TMEM131L: variants seen among roughly 807,000 people sequenced by gnomAD.
TMEM131L encodes transmembrane 131 like.
TMEM131L carries 54 observed loss-of-function variants against 192.2 expected under a neutral mutation model. The ratio of observed to expected loss-of-function variants is 0.28; its 90% CI spans 0.23 to 0.35. TMEM131L has a LOEUF of 0.35. TMEM131L is among the 10% of genes least tolerant of loss of function. The pLI, the probability that TMEM131L is intolerant of heterozygous loss-of-function variation, is 1.00. For missense variants in TMEM131L, 1,888 were observed against 1,972.9 expected (o/e 0.96, Z 0.82); for synonymous variants, 701 against 704.9 (o/e 0.99, Z 0.09).
At chr4:153,578,853 TCA>T (rs1426857654) in intron 7 of TMEM131L, among the ~76,000 whole-genome samples, 1 of 147,604 alleles carries the variant, frequency 6.8e-6, no homozygotes, top group Non-Finnish European at 1.5e-5. Flanking sequence ...AGACGGGGTT[TCA>T]CCATTTTGGC....
rs1489715992 is a variant in TMEM131L at position 153,602,600 on chromosome 4, G to T, written c.2512G>T (p.Ala838Ser). The T allele has an allele frequency of 6.2e-7, 1 of 1,614,010 alleles. No homozygotes were observed. The highest frequency in any genetic ancestry group is 8.5e-7 in the Non-Finnish European group (1 of 1,180,010). ...VIRDLSLVTA[A>S]DLEFRFTLNV... ...TCGGGACCTAAGTCTTGTAACCGCA[G>T]CGGACCTAGAATTTCGCTTCACTCT... Residue 838 changes from alanine to serine, a missense_variant, in exon 23 of 35, where the codon GCG (alanine) becomes TCG (serine). By Grantham distance (99) the Ala-to-Ser change is moderately conservative. Transcript: ENST00000409959.
At position 153,602,279 on chromosome 4, in the gene TMEM131L, G is replaced by T. The variant is rs1232588054; in HGVS notation, c.2394G>T (p.Glu798Asp). The change falls in exon 22 of 35, where the codon GAG becomes GAT. Residue 798 changes from glutamate (E) to aspartate (D), a missense_variant. Physicochemically the swap from Glu to Asp is conservative, Grantham distance 45. Coordinates refer to ENST00000409959, the MANE Select transcript of TMEM131L (RefSeq NM_001131007.2). ...NGYNCQGYGF[E>D]VLDCHQFSLD... ...ATAACTGCCAAGGTTATGGATTCGA[G>T]GTGCTGGATTGTCATCAGTTTTCCC... 6.2e-7 allele frequency: 1 copy of T among 1,613,792 alleles called. No individual in the cohort carries two copies. Among genetic ancestry groups the T allele is most frequent in the Non-Finnish European group, 8.5e-7 (1 of 1,179,932 alleles).
chr4:153,629,329 G>A (rs1474686316), intron 31 of TMEM131L, among the ~76,000 whole-genome samples: 1 of 152,192 alleles, frequency 6.6e-6, no homozygotes, highest in Non-Finnish European at 1.5e-5. Context: ...AGCCCACCAT[G>A]TCATGCCATT....
chr4:153,632,051 C>T (rs542765851), intron 31 of TMEM131L, among the ~76,000 whole-genome samples: 33 of 152,318 alleles, frequency 2.2e-4, no homozygotes, highest in African/African-American at 6.7e-4. Flanking sequence ...TGGTGGCTCA[C>T]GCCTGTAATC....
intron 19 of TMEM131L, among the ~76,000 whole-genome samples, chr4:153,595,360 C>T (rs1273982675): frequency 2.6e-5 from 4 of 152,050 alleles, no homozygotes; most frequent in Non-Finnish European, 4.4e-5. Flanking sequence ...AGTTTAACAC[C>T]AAAAGTCAGC....
In TMEM131L at chr4:153,593,822, T is replaced by A; in HGVS notation, c.1946T>A (p.Ile649Asn). The change falls in exon 19 of 35, where the codon ATT becomes AAT. Residue 649 changes from isoleucine to asparagine, a missense_variant. Transcript: ENST00000409959. ...AGGTTTGGCACTGATATGCAGATGA[T>A]TAATTTCACAACTGGTGAATTCCAG... ...HRWFGTDMQM[I>N]NFTTGEFQLT... The A allele has an allele frequency of 6.2e-7, 1 of 1,613,496 alleles. No homozygotes were observed. Among genetic ancestry groups the A allele is most frequent in the Non-Finnish European group, 8.5e-7 (1 of 1,179,406 alleles).
intron 32 of TMEM131L, chr4:153,633,398 T>A (rs548431924): frequency 6.6e-6 from 1 of 150,616 alleles, no homozygotes; most frequent in Non-Finnish European, 1.5e-5. Context: ...TAATTTTTTT[T>A]TTTTTTTTTT....
chr4:153,560,249 T>G (rs568683126), intron 7 of TMEM131L, among the ~76,000 whole-genome samples: 15 of 152,152 alleles, frequency 9.9e-5, no homozygotes, highest in Admixed American at 1.3e-4. Context: ...ACCATCTGAT[T>G]GAGCTTCCCG....
intron 19 of TMEM131L, 102 bp from the exon 20 acceptor site, chr4:153,596,156 C>CA: frequency 7.4e-7 from 1 of 1,348,978 alleles, no homozygotes; most frequent in South Asian, 1.3e-5. Flanking sequence ...CAAATCTGGA[C>CA]ATTAAAAGAG....
chr4:153,487,028 C>T (rs903191475), intron 3 of TMEM131L, among the ~76,000 whole-genome samples: 5 of 152,162 alleles, frequency 3.3e-5, no homozygotes, highest in South Asian at 2.1e-4. Flanking sequence ...CTAGACTGGC[C>T]GGTTCTCAGA....
intron 3 of TMEM131L, among the ~76,000 whole-genome samples, chr4:153,482,331 G>T (rs1432583642): frequency 6.7e-6 from 1 of 148,892 alleles, no homozygotes; most frequent in Non-Finnish European, 1.5e-5. Context: ...TAATTTTTTT[G>T]ACTGTTGTAG....
At chr4:153,621,495 T>G (rs1733405571) in intron 27 of TMEM131L, among the ~76,000 whole-genome samples, 188 bp from the exon 28 acceptor site, 1 of 152,222 alleles carries the variant, frequency 6.6e-6, no homozygotes, top group African/African-American at 2.4e-5. Context: ...TTAATTTCCC[T>G]GACAAAATCA....
At chr4:153,568,361 C>T (rs998919153) in intron 7 of TMEM131L, among the ~76,000 whole-genome samples, 1 of 152,186 alleles carries the variant, frequency 6.6e-6, no homozygotes, top group African/African-American at 2.4e-5. Context: ...TTTAAAATCT[C>T]GGCTTTCTTG....
chr4:153,523,060 C>T (rs1055855120), intron 3 of TMEM131L, among the ~76,000 whole-genome samples: 2 of 152,120 alleles, frequency 1.3e-5, no homozygotes, highest in African/African-American at 4.8e-5. Flanking sequence ...TTGGTTTGCT[C>T]ACCTAATCAT....
intron 3 of TMEM131L, among the ~76,000 whole-genome samples, chr4:153,510,182 A>T (rs1734259562): frequency 6.6e-6 from 1 of 152,078 alleles, no homozygotes; most frequent in Non-Finnish European, 1.5e-5. Flanking sequence ...CTTCCCTATC[A>T]TCTCCATCTG....
intron 2 of TMEM131L, 27 bp downstream of exon 2, chr4:153,467,308 C>A: frequency 6.5e-7 from 1 of 1,545,724 alleles, no homozygotes; most frequent in Non-Finnish European, 8.8e-7. Flanking sequence ...GACAGGGCGG[C>A]TGTGGGTGTA....
At chr4:153,635,655 C>G (rs527452229) in intron 34 of TMEM131L, 84 bp downstream of exon 34, 2 of 1,497,120 alleles carry the variant, frequency 1.3e-6, no homozygotes, top group South Asian at 2.4e-5. Flanking sequence ...TCTCAGCTAG[C>G]TTTAGCGTTG....
At chr4:153,573,200 G>A (rs1171309174) in intron 7 of TMEM131L, among the ~76,000 whole-genome samples, 1 of 152,240 alleles carries the variant, frequency 6.6e-6, no homozygotes, top group South Asian at 2.1e-4. Context: ...AATGGAATTG[G>A]TAATTCTGTT....
At chr4:153,547,140 G>A (rs1391559820) in intron 3 of TMEM131L, among the ~76,000 whole-genome samples, 4 of 151,882 alleles carry the variant, frequency 2.6e-5, no homozygotes, top group Non-Finnish European at 5.9e-5. Context: ...ATGACTCTTA[G>A]AGAAAAAAAA....
Sources: allele counts gnomAD v4.1 joint callset (sites outside exome capture counted in the v4.1 genomes callset), GRCh38; gene constraint gnomAD v4.1.1; transcripts MANE v1.5; gene names NCBI Gene and HGNC (gene_info 2026-07-23, HGNC 2026-07-21).